NRG3: variants seen among roughly 807,000 people sequenced by gnomAD.
The protein encoded by NRG3 is pro-neuregulin-3, membrane-bound isoform.
Under a neutral mutation model 66.9 loss-of-function variants are expected in NRG3, and 31 were observed. That is an observed-to-expected ratio of 0.46 (90% CI 0.35 to 0.63). The LOEUF is 0.63. NRG3 is among the 20% of genes least tolerant of loss of function. NRG3 has a pLI of 0.00. For missense variants in NRG3, 910 were observed against 878.9 expected (o/e 1.04, Z -0.45); for synonymous variants, 393 against 359.4 (o/e 1.09, Z -1.06).
Position 82,821,308 on chromosome 10 carries a change from C to T in NRG3, c.1028-44103C>T, listed in dbSNP as rs115522734. Among the ~76,000 whole-genome samples the T allele has an allele frequency of 2.3e-3, 353 of 152,232 alleles. 5 individuals are homozygous for T. The highest frequency in any genetic ancestry group is 8.1e-3 in the African/African-American group (336 of 41,544). On this transcript the variant is annotated intron_variant, in intron 3 of 8. Transcript: ENST00000372141. ...ACATCATTTCCTCTCAACTGCATAA[C>T]AGAAATAGCCTCTGAAAGGGCCTTT...
intron 1 of NRG3, among the ~76,000 whole-genome samples, chr10:82,158,948 A>C (rs775082121): frequency 6.6e-6 from 1 of 151,932 alleles, no homozygotes; most frequent in Non-Finnish European, 1.5e-5. Flanking sequence ...CAAGAATATT[A>C]TTTAAATGCT....
chr10:82,327,124 C>G (rs949078273), intron 1 of NRG3, among the ~76,000 whole-genome samples: 2 of 152,104 alleles, frequency 1.3e-5, no homozygotes, highest in Non-Finnish European at 2.9e-5. Flanking sequence ...GAGAAACAAA[C>G]AAGAACAAGA....
intron 1 of NRG3, among the ~76,000 whole-genome samples, chr10:82,112,566 A>G (rs2067451492): frequency 6.6e-6 from 1 of 152,182 alleles, no homozygotes; most frequent in South Asian, 2.1e-4. Context: ...ATTTTCTTAA[A>G]CAGTTTATAA....
intron 1 of NRG3, among the ~76,000 whole-genome samples, chr10:82,112,437 T>G (rs2067443814): frequency 6.6e-6 from 1 of 152,138 alleles, no homozygotes; most frequent in Non-Finnish European, 1.5e-5. Context: ...ACAGAAAATG[T>G]TACTGCCTTT....
chr10:82,874,066 G>A (rs779179515), intron 4 of NRG3, among the ~76,000 whole-genome samples: 20 of 151,064 alleles, frequency 1.3e-4, no homozygotes, highest in Non-Finnish European at 2.2e-4. Flanking sequence ...TGTACTCAAC[G>A]TCTGTGATAT....
intron 1 of NRG3, among the ~76,000 whole-genome samples, chr10:82,265,108 T>A (rs1011591602): frequency 9.2e-5 from 14 of 152,088 alleles, no homozygotes; most frequent in African/African-American, 3.1e-4. Flanking sequence ...TGTGAGAAAG[T>A]CACCCTTGAT....
At chr10:81,881,586 A>G (rs1004380081) in intron 1 of NRG3, among the ~76,000 whole-genome samples, 6 of 152,158 alleles carry the variant, frequency 3.9e-5, no homozygotes, top group Non-Finnish European at 8.8e-5. Flanking sequence ...AATATATGTC[A>G]CATGTTTCAA....
intron 3 of NRG3, among the ~76,000 whole-genome samples, chr10:82,782,924 A>G (rs1415349796): frequency 6.6e-6 from 1 of 152,218 alleles, no homozygotes; most frequent in Non-Finnish European, 1.5e-5. Context: ...ATTTTAGACC[A>G]ATATCCTTGA....
chr10:82,436,129 C>T (rs966954259), intron 2 of NRG3, among the ~76,000 whole-genome samples: 1 of 152,120 alleles, frequency 6.6e-6, no homozygotes, highest in Non-Finnish European at 1.5e-5. Context: ...CTAATACTGA[C>T]ATTGGGGTGT....
At chr10:82,572,207 C>G (rs2045777975) in intron 2 of NRG3, among the ~76,000 whole-genome samples, 1 of 151,302 alleles carries the variant, frequency 6.6e-6, no homozygotes, top group African/African-American at 2.4e-5. Context: ...GAACTGTAGC[C>G]CTCAGCATTT....
chr10:82,274,564 C>G (rs913366423), intron 1 of NRG3, among the ~76,000 whole-genome samples: 9 of 151,848 alleles, frequency 5.9e-5, no homozygotes, highest in Non-Finnish European at 1.3e-4. Context: ...GTGTAAGTTA[C>G]AAAAAGAGAC....
intron 2 of NRG3, among the ~76,000 whole-genome samples, chr10:82,577,027 A>G (rs1374297738): frequency 6.6e-6 from 1 of 151,668 alleles, no homozygotes; most frequent in Non-Finnish European, 1.5e-5. Flanking sequence ...CCAACGTTTT[A>G]TTATTTTGTT....
chr10:82,481,531 TTTAA>T (rs1308419693), intron 2 of NRG3, among the ~76,000 whole-genome samples: 3 of 151,842 alleles, frequency 2.0e-5, no homozygotes, highest in Non-Finnish European at 4.4e-5. Flanking sequence ...GATTACTCTA[TTTAA>T]TTAATCATTC....
chr10:82,515,611 C>T (rs1413975000), intron 2 of NRG3, among the ~76,000 whole-genome samples: 1 of 152,214 alleles, frequency 6.6e-6, no homozygotes, highest in South Asian at 2.1e-4. Flanking sequence ...TGCAGTGACA[C>T]ATTAGACCTT....
chr10:82,796,961 T>A (rs1042456741), intron 3 of NRG3, among the ~76,000 whole-genome samples: 9 of 151,870 alleles, frequency 5.9e-5, no homozygotes, highest in African/African-American at 1.7e-4. Context: ...TAATATTTTT[T>A]AAAAATAGCT....
intron 1 of NRG3, among the ~76,000 whole-genome samples, chr10:81,892,316 T>C (rs1384446266): frequency 1.3e-5 from 2 of 151,948 alleles, no homozygotes; most frequent in Non-Finnish European, 2.9e-5. Flanking sequence ...AATATATATA[T>C]ACATATTCCA....
intron 3 of NRG3, among the ~76,000 whole-genome samples, chr10:82,805,890 T>C (rs2061258451): frequency 6.6e-6 from 1 of 152,182 alleles, no homozygotes; most frequent in Non-Finnish European, 1.5e-5. Context: ...AAAGACTTCT[T>C]AGTTTGGATC....
At chr10:82,830,853 T>C (rs1057116264) in intron 3 of NRG3, among the ~76,000 whole-genome samples, 36 of 151,714 alleles carry the variant, frequency 2.4e-4, no homozygotes, top group Admixed American at 2.2e-3. Context: ...ACAGGAGGAG[T>C]TGAACAAGAC....
chr10:82,674,028 G>A (rs556002353), intron 2 of NRG3, among the ~76,000 whole-genome samples: 19 of 152,234 alleles, frequency 1.2e-4, no homozygotes, highest in South Asian at 1.0e-3. Flanking sequence ...GCTGGGCAAC[G>A]TCAGGGTAGC....
Sources: allele counts gnomAD v4.1 joint callset (sites outside exome capture counted in the v4.1 genomes callset), GRCh38; gene constraint gnomAD v4.1.1; transcripts MANE v1.5; gene names NCBI Gene and HGNC (gene_info 2026-07-23, HGNC 2026-07-21).